Variants in XKR4 observed in about 807,000 individuals in gnomAD.
XKR4 encodes XK-related protein 4.
Under a neutral mutation model 53.9 loss-of-function variants are expected in XKR4, and 12 were observed. The observed-to-expected ratio is 0.22, with a 90% CI of 0.14 to 0.36. The LOEUF is 0.36. Ranked by LOEUF, XKR4 falls within the 10% of genes least tolerant of loss-of-function variation. XKR4 has a pLI of 1.00. For missense variants in XKR4, 799 were observed against 859.5 expected (o/e 0.93, Z 0.88); for synonymous variants, 354 against 362.4 (o/e 0.98, Z 0.26).
chr8:55,314,864 G>C (rs1044034749), intron 1 of XKR4, among the ~76,000 whole-genome samples: 13 of 152,180 alleles, frequency 8.5e-5, no homozygotes, highest in Non-Finnish European at 1.8e-4. Flanking sequence ...TTCTTCTGCA[G>C]TGGCAGCTCA....
At chr8:55,451,684 G>A (rs1805449550) in intron 2 of XKR4, 8 of 1,491,378 alleles carry the variant, frequency 5.4e-6, no homozygotes, top group East Asian at 2.3e-5. Flanking sequence ...CAGCAGCCCC[G>A]GGTACCTGCG....
intron 2 of XKR4, chr8:55,450,389 C>A (rs145642757): frequency 5.3e-5 from 32 of 608,252 alleles, no homozygotes; most frequent in Admixed American, 4.0e-4. Flanking sequence ...TCCTCGGGTG[C>A]ATTCATGTAG....
At position 55,535,806 on chromosome 8, in the gene XKR4, G is replaced by C. The variant is rs934650198; in HGVS notation, c.*11579G>C. The C allele has an allele frequency of 6.6e-6, 1 of 152,358 alleles. No homozygotes were observed. 9.4% of individuals were successfully genotyped at this position (152,358 alleles called of 1,614,324 possible). A position where few individuals can be genotyped will look rare whatever the true frequency, so the allele number is the denominator to read the frequency against. The stretch of plus-strand genomic sequence containing the variant: ...TTGGAAAGGCTAGGGCCTGACGAAA[G>C]TGGGAAAACAGAGATGTCAGTGGTG... On this transcript the variant is annotated 3_prime_UTR_variant, in exon 3 of 3. Transcript: ENST00000327381.
chr8:55,121,578 G>A (rs1256089664), intron 1 of XKR4, among the ~76,000 whole-genome samples: 2 of 152,052 alleles, frequency 1.3e-5, no homozygotes, highest in African/African-American at 4.8e-5. Context: ...GTAAAAGATT[G>A]TATTTATTCT....
At chr8:55,344,323 A>G (rs1031595195) in intron 1 of XKR4, among the ~76,000 whole-genome samples, 3 of 152,228 alleles carry the variant, frequency 2.0e-5, no homozygotes, top group Non-Finnish European at 4.4e-5. Context: ...ACACATGCAC[A>G]CAGACACTCG....
intron 2 of XKR4, among the ~76,000 whole-genome samples, chr8:55,464,407 C>T (rs1258804250): frequency 6.6e-6 from 1 of 152,112 alleles, no homozygotes; most frequent in East Asian, 1.9e-4. Flanking sequence ...GCAGAAAACG[C>T]CTTTCACAAA....
intron 2 of XKR4, chr8:55,453,649 G>T (rs1034387936): frequency 1.2e-5 from 5 of 421,578 alleles, no homozygotes; most frequent in African/African-American, 6.2e-5. Flanking sequence ...ACTGCATGGC[G>T]CCCTCATCCA....
At position 55,523,363 on chromosome 8, in the gene XKR4, C is replaced by T. The variant is rs1351940288; in HGVS notation, c.1089C>T (p.Asp363=). The change falls in exon 3 of 3, where the codon GAC becomes GAT. Residue 363 remains aspartate (D), a synonymous_variant. Coordinates refer to ENST00000327381, the MANE Select transcript of XKR4 (RefSeq NM_052898.2). The part of the protein sequence containing the change: ...YQKALRDSRD[D]KKPISYMAVI... ...AGGCCCTCCGGGACTCTCGAGATGA[C>T]AAGAAGCCCATCAGCTACATGGCCG... The T allele has an allele frequency of 7.4e-6, 12 of 1,614,232 alleles. No homozygotes were observed. The highest frequency in any genetic ancestry group is 6.7e-5 in the East Asian group (3 of 44,882).
intron 2 of XKR4, among the ~76,000 whole-genome samples, chr8:55,479,313 A>G (rs1361284414): frequency 2.6e-5 from 4 of 152,086 alleles, no homozygotes; most frequent in Admixed American, 6.5e-5. Flanking sequence ...GGTACATAAC[A>G]AAATGAAGGC....
At chr8:55,266,786 T>C (rs1174418039) in intron 1 of XKR4, among the ~76,000 whole-genome samples, 5 of 152,192 alleles carry the variant, frequency 3.3e-5, no homozygotes, top group Non-Finnish European at 7.3e-5. Context: ...TGGGTGGATC[T>C]GATCCTCTTA....
intron 1 of XKR4, among the ~76,000 whole-genome samples, chr8:55,332,355 A>AT (rs946750824): frequency 3.3e-5 from 5 of 151,966 alleles, no homozygotes; most frequent in Non-Finnish European, 7.4e-5. Flanking sequence ...ACAAATTATA[A>AT]TTTTTTTATA....
rs1419877052 is a variant in XKR4 at position 55,529,243 on chromosome 8, A to ATG, written c.*5017_*5018insGT. On this transcript the variant is annotated 3_prime_UTR_variant, in exon 3 of 3. Transcript: ENST00000327381. Reference sequence around the variant, plus strand: ...GTGCCAAATAGCCATTTGCATTTATATATATATATTGCAGGCAGTGACCTG... The same window carrying ATG: ...GTGCCAAATAGCCATTTGCATTTATATGTATATATATTGCAGGCAGTGACCTG... 1 of 151,988 alleles carries ATG rather than the reference A, an allele frequency of 6.6e-6. No homozygotes were observed. The highest frequency in any genetic ancestry group is 2.4e-5 in the African/African-American group (1 of 41,380). 9.4% of individuals were successfully genotyped at this position (151,988 alleles called of 1,614,324 possible). A position where few individuals can be genotyped will look rare whatever the true frequency, so the allele number is the denominator to read the frequency against.
At chr8:55,463,632 G>C (rs538923947) in intron 2 of XKR4, among the ~76,000 whole-genome samples, 1 of 152,090 alleles carries the variant, frequency 6.6e-6, no homozygotes, top group Admixed American at 6.5e-5. Flanking sequence ...TATCAGAGCA[G>C]AACTGAAGGA....
intron 1 of XKR4, among the ~76,000 whole-genome samples, chr8:55,158,590 T>C (rs777004348): frequency 6.6e-6 from 1 of 152,216 alleles, no homozygotes; most frequent in South Asian, 2.1e-4. Context: ...ATGTCCAGAA[T>C]AGTGTTTTCT....
intron 1 of XKR4, among the ~76,000 whole-genome samples, chr8:55,302,381 C>T (rs1172086599): frequency 1.3e-5 from 2 of 151,570 alleles, no homozygotes; most frequent in East Asian, 3.9e-4. Context: ...CAGTACCATG[C>T]TGTTTTGGTT....
At chr8:55,213,709 T>C (rs1001679552) in intron 1 of XKR4, among the ~76,000 whole-genome samples, 1 of 152,176 alleles carries the variant, frequency 6.6e-6, no homozygotes, top group Non-Finnish European at 1.5e-5. Flanking sequence ...TGCCCAGGAA[T>C]GAACAAGGAC....
At chr8:55,335,299 A>G (rs116636983) in intron 1 of XKR4, among the ~76,000 whole-genome samples, 1,739 of 152,320 alleles carry the variant, frequency 0.011, 27 homozygotes, top group African/African-American at 0.039. Context: ...AAAATGACTT[A>G]TTATAGAATT....
intron 2 of XKR4, among the ~76,000 whole-genome samples, chr8:55,447,215 A>G (rs2129395669): frequency 6.6e-6 from 1 of 152,374 alleles, no homozygotes; most frequent in Non-Finnish European, 1.5e-5. Flanking sequence ...TGATAATTAA[A>G]AGGTAGGTGA....
At chr8:55,237,968 GAGAA>G (rs1382170090) in intron 1 of XKR4, among the ~76,000 whole-genome samples, 1 of 151,796 alleles carries the variant, frequency 6.6e-6, no homozygotes, top group Non-Finnish European at 1.5e-5. Flanking sequence ...CAGAAAGAGA[GAGAA>G]AGAAGGAAGG....
Sources: gnomAD v4.1 joint callset for allele counts (sites outside exome capture counted in the v4.1 genomes callset) on GRCh38, gnomAD v4.1.1 for gene constraint, MANE v1.5 for transcripts, NCBI Gene and HGNC (gene_info 2026-07-23, HGNC 2026-07-21) for gene names.